PRUNE2: variants seen among roughly 807,000 people sequenced by gnomAD.
PRUNE2 encodes prune homolog 2 with BCH domain.
PRUNE2 carries 164 observed loss-of-function variants against 252.0 expected under a neutral mutation model. The observed-to-expected ratio is 0.65, with a 90% CI of 0.57 to 0.74. The LOEUF (loss-of-function observed/expected upper bound fraction) is 0.74. Ranked by LOEUF, PRUNE2 falls within the 30% of genes least tolerant of loss-of-function variation. The probability of loss-of-function intolerance (pLI) is 0.00; values close to 1 mark genes in which losing one functional copy is unlikely to be tolerated. For synonymous variants in PRUNE2, 1,292 were observed against 1,350.2 expected, an observed-to-expected ratio of 0.96 and a Z score of 0.94; for missense variants, 3,495 against 3,711.0, an observed-to-expected ratio of 0.94 and a Z score of 1.51.
Position 76,695,037 on chromosome 9 carries a change from GTTATTA to G in PRUNE2, c.8276+8294_8276+8299del, listed in dbSNP as rs576118736. Among the ~76,000 whole-genome samples, 428 of 152,024 alleles carry G rather than the reference GTTATTA, an allele frequency of 2.8e-3. 3 individuals carry two copies. Among genetic ancestry groups the G allele is most frequent in the African/African-American group, 9.6e-3 (396 of 41,448 alleles). On this transcript the variant is annotated intron_variant, in intron 9 of 18. Coordinates refer to ENST00000376718, the MANE Select transcript of PRUNE2 (RefSeq NM_015225.3). Reference sequence around the variant, plus strand: ...ACCATGTTCCTCTCTAATAAAAAAAGTTATTATTATTATTATTTGAGATGGTCTCAC... The same window carrying G: ...ACCATGTTCCTCTCTAATAAAAAAAGTTATTATTATTTGAGATGGTCTCAC...
chr9:76,630,205 T>G (rs1334016332), intron 15 of PRUNE2, among the ~76,000 whole-genome samples: 1 of 152,168 alleles, frequency 6.6e-6, no homozygotes, highest in Non-Finnish European at 1.5e-5. Flanking sequence ...TGATGATACT[T>G]TAAAAATATA....
intron 5 of PRUNE2, 92 bp from the exon 6 acceptor site, chr9:76,823,818 AATTTC>A: frequency 1.3e-6 from 1 of 746,396 alleles, no homozygotes. Flanking sequence ...TTACTCTGTA[AATTTC>A]ATTCTTTGCC....
chr9:76,663,615 AT>A (rs951002108), intron 9 of PRUNE2, among the ~76,000 whole-genome samples: 3 of 151,688 alleles, frequency 2.0e-5, no homozygotes, highest in African/African-American at 4.8e-5. Flanking sequence ...TTGCATGTCA[AT>A]TTTTTTTTCT....
At chr9:76,619,245 C>T in intron 18 of PRUNE2, 95 bp downstream of exon 18, 2 of 792,110 alleles carry the variant, frequency 2.5e-6, no homozygotes, top group East Asian at 5.4e-5. Flanking sequence ...AACATCTAAA[C>T]AGGGTTTACC....
intron 8 of PRUNE2, among the ~76,000 whole-genome samples, chr9:76,704,451 C>T (rs2046155980): frequency 6.6e-6 from 1 of 152,180 alleles, no homozygotes; most frequent in African/African-American, 2.4e-5. Flanking sequence ...TCTCGAACAC[C>T]TGACATCAGG....
intron 11 of PRUNE2, among the ~76,000 whole-genome samples, chr9:76,645,548 AC>A (rs1844461877): frequency 1.3e-5 from 2 of 152,274 alleles, no homozygotes; most frequent in Admixed American, 6.5e-5. Context: ...ATGCTCCAAG[AC>A]CCCAAATGCA....
chr9:76,634,926 A>C (rs1315929106), intron 15 of PRUNE2, among the ~76,000 whole-genome samples: 1 of 152,150 alleles, frequency 6.6e-6, no homozygotes, highest in Non-Finnish European at 1.5e-5. Flanking sequence ...ACATTTCCTG[A>C]AAATATTAAA....
intron 6 of PRUNE2, chr9:76,808,578 C>G (rs888277999): frequency 6.6e-6 from 1 of 152,332 alleles, no homozygotes; most frequent in Non-Finnish European, 1.5e-5. Flanking sequence ...CCTCTCATCA[C>G]CCAGCCTTCT....
chr9:76,820,223 T>G (rs193147567), intron 6 of PRUNE2, among the ~76,000 whole-genome samples: 1 of 152,226 alleles, frequency 6.6e-6, no homozygotes, highest in Non-Finnish European at 1.5e-5. Context: ...ATCTCATCCA[T>G]TCTGACTTCC....
intron 6 of PRUNE2, among the ~76,000 whole-genome samples, chr9:76,793,739 T>C (rs934026688): frequency 2.0e-5 from 3 of 152,160 alleles, no homozygotes; most frequent in African/African-American, 7.2e-5. Flanking sequence ...CCCATTATTG[T>C]TCTTGAAAAA....
chr9:76,710,777 T>C lies in PRUNE2; in HGVS notation c.1497A>G (p.Ala499=). 6.3e-7 allele frequency: 1 copy of C among 1,598,738 alleles called. No individual in the cohort carries two copies. The highest frequency in any genetic ancestry group is 1.1e-5 in the South Asian group (1 of 87,998). Reference sequence around the variant, plus strand: ...GCTGGGACTGCCCAGAAGCCATGGGTGCTGGGTCAAAATTGAAGAGGTCGA... The same window carrying C: ...GCTGGGACTGCCCAGAAGCCATGGGCGCTGGGTCAAAATTGAAGAGGTCGA... ...EHFDLFNFDP[A]PMASGQSQQS... Residue 499 remains alanine, a synonymous_variant, in exon 8 of 19, where the codon GCA becomes GCG. Coordinates refer to ENST00000376718, the MANE Select transcript of PRUNE2 (RefSeq NM_015225.3).
At chr9:76,652,916 C>G (rs1275834273) in intron 10 of PRUNE2, among the ~76,000 whole-genome samples, 1 of 152,068 alleles carries the variant, frequency 6.6e-6, no homozygotes, top group African/African-American at 2.4e-5. Flanking sequence ...ATCTGAAACA[C>G]TCTGGTCCAA....
intron 6 of PRUNE2, among the ~76,000 whole-genome samples, chr9:76,755,441 T>TA (rs77966158): frequency 2.0e-5 from 3 of 150,840 alleles, no homozygotes; most frequent in Non-Finnish European, 4.4e-5. Context: ...TCTGGGGATA[T>TA]AAAAAAAAAT....
chr9:76,827,757 A>G (rs1222951132), intron 4 of PRUNE2, among the ~76,000 whole-genome samples: 1 of 152,190 alleles, frequency 6.6e-6, no homozygotes, highest in Non-Finnish European at 1.5e-5. Context: ...GTCTACATTT[A>G]CCATCAAACA....
chr9:76,735,188 A>G (rs1182580750), intron 6 of PRUNE2, among the ~76,000 whole-genome samples: 1 of 152,184 alleles, frequency 6.6e-6, no homozygotes, highest in Non-Finnish European at 1.5e-5. Context: ...TCAACAGAGC[A>G]GTTTGTTGTT....
chr9:76,629,458 G>A (rs566144349), intron 15 of PRUNE2, among the ~76,000 whole-genome samples, 168 bp from the exon 16 acceptor site: 1 of 152,232 alleles, frequency 6.6e-6, no homozygotes, highest in East Asian at 1.9e-4. Context: ...CTGTTTTGTT[G>A]TTGTTGGTGG....
At chr9:76,666,456 G>T (rs1051366250) in intron 9 of PRUNE2, among the ~76,000 whole-genome samples, 2 of 152,198 alleles carry the variant, frequency 1.3e-5, no homozygotes, top group Non-Finnish European at 1.5e-5. Context: ...CTGCCTTTTA[G>T]ATAGCAGTAG....
intron 6 of PRUNE2, chr9:76,782,527 A>C (rs1394626695): frequency 6.6e-6 from 1 of 152,242 alleles, no homozygotes; most frequent in African/African-American, 2.4e-5. Context: ...TCTTCTAAAA[A>C]TTAAATGAGT....
At chr9:76,647,129 T>C (rs1845234935) in intron 11 of PRUNE2, among the ~76,000 whole-genome samples, 1 of 152,184 alleles carries the variant, frequency 6.6e-6, no homozygotes, top group Non-Finnish European at 1.5e-5. Flanking sequence ...TGAGCTATGA[T>C]GGTACCACTG....
Sources: gnomAD v4.1 joint callset for allele counts (sites outside exome capture counted in the v4.1 genomes callset) on GRCh38, gnomAD v4.1.1 for gene constraint, MANE v1.5 for transcripts, NCBI Gene and HGNC (gene_info 2026-07-23, HGNC 2026-07-21) for gene names.